Variants in PHTF2 observed in about 807,000 individuals in gnomAD.
PHTF2 encodes the protein putative homeodomain transcription factor 2.
Under a neutral mutation model 101.2 loss-of-function variants are expected in PHTF2, and 60 were observed. The ratio of observed to expected loss-of-function variants is 0.59; its 90% CI spans 0.48 to 0.73. PHTF2 has a LOEUF of 0.73. Ranked by LOEUF, PHTF2 falls within the 30% of genes least tolerant of loss-of-function variation. The pLI, the probability that PHTF2 is intolerant of heterozygous loss-of-function variation, is 0.00. For synonymous variants in PHTF2, 311 were observed against 307.3 expected, an observed-to-expected ratio of 1.01 and a Z score of -0.13; for missense variants, 747 against 908.7, an observed-to-expected ratio of 0.82 and a Z score of 2.29.
chr7:77,915,299 A>G (rs910748875), intron 9 of PHTF2, among the ~76,000 whole-genome samples: 6 of 149,994 alleles, frequency 4.0e-5, no homozygotes, highest in Non-Finnish European at 5.9e-5. Flanking sequence ...GCTCACTGCA[A>G]CCTCCGCCTC....
chr7:77,933,155 G>A (rs564951109), intron 12 of PHTF2, among the ~76,000 whole-genome samples: 58 of 152,096 alleles, frequency 3.8e-4, no homozygotes, highest in Non-Finnish European at 7.5e-4. Context: ...GGAGAATGGC[G>A]TGAACCCAGG....
chr7:77,834,312 CAAAAAAA>C (rs34947684), intron 1 of PHTF2, among the ~76,000 whole-genome samples: 157 of 89,114 alleles, frequency 1.8e-3, no homozygotes, highest in African/African-American at 5.2e-3. Context: ...GACCTTGTCT[CAAAAAAA>C]AAAAAAAAAA....
chr7:77,858,427 G>A (rs570913934), intron 3 of PHTF2, among the ~76,000 whole-genome samples: 4 of 152,116 alleles, frequency 2.6e-5, no homozygotes, highest in Non-Finnish European at 5.9e-5. Context: ...GCAAGAAATC[G>A]GACACCCTTA....
At chr7:77,925,660 T>G (rs1803921383) in intron 11 of PHTF2, among the ~76,000 whole-genome samples, 1 of 151,754 alleles carries the variant, frequency 6.6e-6, no homozygotes, top group Non-Finnish European at 1.5e-5. Context: ...AGATGGGGTT[T>G]CGCCCTGTTG....
chr7:77,835,237 G>A lies in PHTF2; in HGVS notation c.-35-4984G>A, dbSNP rs192302872. On this transcript the variant is annotated intron_variant, in intron 1 of 19. Coordinates refer to ENST00000416283, the Ensembl canonical transcript of PHTF2. ...TGCAGTGAGCCGAGATCACACCATT[G>A]CACTCCAGCCTGGGCAACAAGAGCA... 4.2e-5 allele frequency among the ~76,000 whole-genome samples: 6 copies of A among 144,288 alleles called. No homozygotes were observed. The East Asian group carries it at 1.0e-3, about 24-fold the overall frequency. The allele number at this position is 144,288 out of a possible 152,430, so 94.7% of individuals were successfully genotyped here.
chr7:77,812,800 A>G (rs1262440135), intron 1 of PHTF2, among the ~76,000 whole-genome samples: 27 of 152,148 alleles, frequency 1.8e-4, no homozygotes, highest in Admixed American at 1.5e-3. Flanking sequence ...TGTGTTAGCC[A>G]GGATGGTCTC....
At chr7:77,817,170 T>TG (rs1793914401) in intron 1 of PHTF2, among the ~76,000 whole-genome samples, 1 of 152,230 alleles carries the variant, frequency 6.6e-6, no homozygotes, top group Non-Finnish European at 1.5e-5. Flanking sequence ...GCTGTACTAG[T>TG]TTACATTCCT....
Position 77,942,678 on chromosome 7 carries a change from CCCTT to C in PHTF2, c.1873-19_1873-16del, listed in dbSNP as rs1805725846. The stretch of plus-strand genomic sequence containing the variant: ...TATATTTTAAAATGTTTCCTTTTCT[CCCTT>C]CCACCCACACCCTGCAGCGTCGAGG... On this transcript the variant is annotated intron_variant, in intron 15 of 19. Transcript: ENST00000416283. 1 of 1,409,412 alleles carries C rather than the reference CCCTT, an allele frequency of 7.1e-7. No individual in the cohort carries two copies. 87.3% of individuals were successfully genotyped at this position (1,409,412 alleles called of 1,614,324 possible). A position where few individuals can be genotyped will look rare whatever the true frequency, so the allele number is the denominator to read the frequency against.
intron 1 of PHTF2, among the ~76,000 whole-genome samples, chr7:77,824,904 A>G (rs1040946169): frequency 2.6e-5 from 4 of 151,624 alleles, no homozygotes; most frequent in Middle Eastern, 6.8e-3. Context: ...GTGTGGTGGC[A>G]CACACCTGTA....
At chr7:77,885,797 A>G (rs1377246787) in intron 3 of PHTF2, among the ~76,000 whole-genome samples, 1 of 152,162 alleles carries the variant, frequency 6.6e-6, no homozygotes, top group East Asian at 1.9e-4. Context: ...GACAGCATTT[A>G]TCCTGGCACA....
At chr7:77,826,616 A>T (rs949740290) in intron 1 of PHTF2, among the ~76,000 whole-genome samples, 1 of 152,226 alleles carries the variant, frequency 6.6e-6, no homozygotes, top group African/African-American at 2.4e-5. Context: ...CCCAACTACA[A>T]GTACTACCCA....
intron 5 of PHTF2, chr7:77,895,047 T>C (rs1280746874): frequency 5.2e-6 from 2 of 384,236 alleles, no homozygotes; most frequent in African/African-American, 2.1e-5. Flanking sequence ...CAGAAGATTA[T>C]ATTTTGACAA....
At chr7:77,954,608 C>CTGTGTG (rs1230124124) in intron 19 of PHTF2, among the ~76,000 whole-genome samples, 14 of 99,870 alleles carry the variant, frequency 1.4e-4, no homozygotes, top group South Asian at 3.6e-4. Context: ...TAAACAAGTA[C>CTGTGTG]TGTGTATATA....
Position 77,954,863 on chromosome 7 carries a change from G to A in PHTF2, c.2343G>A (p.Trp781Ter). 2 of 1,513,064 alleles carry A rather than the reference G, an allele frequency of 1.3e-6. No homozygotes were observed. The highest frequency in any genetic ancestry group is 9.1e-7 in the Non-Finnish European group (1 of 1,102,968). The allele number at this position is 1,513,064 out of a possible 1,614,324, so 93.7% of individuals were successfully genotyped here. The change falls in exon 20 of 20, where the codon TGG becomes TGA. Residue 781 changes from tryptophan to a stop codon, truncating the protein, a stop_gained. Transcript: ENST00000416283. LOFTEE classifies it high-confidence loss of function. ...TTCTATTTTTTTTTTTCTAGCTATG[G>A]AAGATTAAGTCATGACAATTCAAAG... is the stretch of plus-strand genomic sequence containing the variant.
At chr7:77,810,799 A>G (rs1793379107) in intron 1 of PHTF2, among the ~76,000 whole-genome samples, 1 of 152,042 alleles carries the variant, frequency 6.6e-6, no homozygotes, top group Admixed American at 6.6e-5. Context: ...TGGCCTCCCA[A>G]AGTTCTGGGA....
rs191140244 is a variant in PHTF2, at chr7:77,811,448, A to G, written c.-36+12477A>G. Among the ~76,000 whole-genome samples the G allele has an allele frequency of 4.8e-3, 735 of 152,334 alleles. 4 individuals are homozygous for G. Among genetic ancestry groups the G allele is most frequent in the Non-Finnish European group, 6.8e-3 (461 of 68,028 alleles). ...TATCCTACTACTCTCAAACTTACCCATTAATTTTAACATCTATTGATGATT... is the reference window on the plus strand; with the variant it reads ...TATCCTACTACTCTCAAACTTACCCGTTAATTTTAACATCTATTGATGATT... On this transcript the variant is annotated intron_variant, in intron 1 of 19. Transcript: ENST00000416283.
chr7:77,893,476 C>T, intron 3 of PHTF2, 132 bp from the exon 3 acceptor site: 1 of 477,874 alleles, frequency 2.1e-6, no homozygotes, highest in East Asian at 3.2e-5. Context: ...TGATACTGAT[C>T]TGAGAAGTCT....
intron 9 of PHTF2, among the ~76,000 whole-genome samples, chr7:77,912,096 G>C (rs900100282): frequency 6.6e-6 from 1 of 152,132 alleles, no homozygotes. Flanking sequence ...GATACCTTTG[G>C]AAGTTTACTA....
chr7:77,930,057 G>A (rs1440270719), intron 12 of PHTF2, among the ~76,000 whole-genome samples: 1 of 150,156 alleles, frequency 6.7e-6, no homozygotes, highest in African/African-American at 2.5e-5. Context: ...AGGTTCCAGC[G>A]ATTCTCCTGC....
Sources: allele counts gnomAD v4.1 joint callset (sites outside exome capture counted in the v4.1 genomes callset), GRCh38; gene constraint gnomAD v4.1.1; transcripts MANE v1.5; gene names NCBI Gene and HGNC (gene_info 2026-07-23, HGNC 2026-07-21).